DNAH17: variants seen among roughly 807,000 people sequenced by gnomAD.
The protein encoded by DNAH17 is dynein axonemal heavy chain 17, also known as axonemal beta dynein heavy chain 17.
A neutral mutation model predicts 485.6 loss-of-function variants in DNAH17; 376 were observed. The observed-to-expected ratio is 0.77, with a 90% CI of 0.71 to 0.84. The LOEUF (loss-of-function observed/expected upper bound fraction) is 0.84. DNAH17 is among the 40% of genes least tolerant of loss of function. The pLI is 0.00. For missense variants in DNAH17, 6,370 were observed against 5,839.3 expected (o/e 1.09, Z -2.96); for synonymous variants, 3,031 against 2,405.9 (o/e 1.26, Z -7.60).
chr17:78,537,223 C>A, intron 19 of DNAH17, 76 bp downstream of exon 19: 2 of 1,447,566 alleles, frequency 1.4e-6, no homozygotes, highest in African/African-American at 1.4e-5. Context: ...CGAAGCCTTG[C>A]CGAGTTAGGG....
At chr17:78,497,811 A>G (rs1445367750) in intron 37 of DNAH17, among the ~76,000 whole-genome samples, 4 of 152,190 alleles carry the variant, frequency 2.6e-5, no homozygotes, top group Non-Finnish European at 5.9e-5. Flanking sequence ...AGTCCACATC[A>G]CTGCCAAGCC....
At chr17:78,514,689 TTGGCTAG>T (rs1221287432) in intron 26 of DNAH17, 78 bp downstream of exon 26, 18 of 1,513,188 alleles carry the variant, frequency 1.2e-5, no homozygotes, top group Non-Finnish European at 1.5e-5. Flanking sequence ...CCTGAACACC[TTGGCTAG>T]GCAGCTCAGG....
chr17:78,464,766 C>T (rs1425558885), intron 56 of DNAH17, among the ~76,000 whole-genome samples: 2 of 152,242 alleles, frequency 1.3e-5, no homozygotes, highest in Non-Finnish European at 1.5e-5. Flanking sequence ...CCTGAACTGG[C>T]CCTGGAGCCT....
chr17:78,561,003 T>C, intron 12 of DNAH17, 68 bp from the exon 13 acceptor site: 1 of 1,449,948 alleles, frequency 6.9e-7, no homozygotes, highest in Non-Finnish European at 9.3e-7. Context: ...GCACGTCCCA[T>C]CGTTGCTGCC....
rs767427796 is a variant in DNAH17, at chr17:78,502,941, A to G, written c.5027T>C (p.Val1676Ala). 1.9e-6 allele frequency: 3 copies of G among 1,613,936 alleles called. No individual in the cohort carries two copies. The Admixed American group carries it at 5.0e-5, about 27-fold the overall frequency. The change falls in exon 32 of 81, where the codon GTG becomes GCG. Residue 1676 changes from valine (V) to alanine (A), a missense_variant. Physicochemically the swap from Val to Ala is moderately conservative, Grantham distance 64. Transcript: ENST00000389840. ...CCTCGGCTTCTCTTCGTAGGTCACC[A>G]CGGCCTCTGGGATTTCGTGCCGGAG... is the stretch of plus-strand genomic sequence containing the variant. ...STLRHEIPEA[V>A]VTYEEKPREQ...
chr17:78,451,477 G>A lies in DNAH17; in HGVS notation c.10726C>T (p.Gln3576Ter). The change falls in exon 66 of 81, where the codon CAG (glutamine) becomes TAG (stop). Residue 3576 changes from glutamine to a stop codon, truncating the protein, a stop_gained. Transcript: ENST00000389840. LOFTEE classifies it high-confidence loss of function. ...VVAKERPDLE[Q>*]LKANLTKSQN... ...AAACTTCAGGCCATTACCTTCAGCT[G>A]TTCCAGATCTGGGCGCTCTTTGGCC... The A allele has an allele frequency of 1.2e-6, 2 of 1,610,318 alleles. No homozygotes were observed. The highest frequency in any genetic ancestry group is 1.7e-6 in the Non-Finnish European group (2 of 1,178,194).
intron 35 of DNAH17, 168 bp downstream of exon 35, chr17:78,501,016 G>T: frequency 1.3e-6 from 1 of 741,626 alleles, no homozygotes; most frequent in Non-Finnish European, 2.0e-6. Context: ...CACAGCCGGT[G>T]CTAGAACAAG....
chr17:78,532,990 C>G (rs2091281773), intron 19 of DNAH17: 2 of 346,932 alleles, frequency 5.8e-6, no homozygotes, highest in Non-Finnish European at 1.1e-5. Flanking sequence ...CTCCTGGGCT[C>G]AAGCGATCCT....
In DNAH17 at chr17:78,526,384, C is replaced by T. The variant is rs115263384; in HGVS notation, c.3711+267G>A. On this transcript the variant is annotated intron_variant, in intron 24 of 80. Transcript: ENST00000389840. ...ACACAGGGTGTTAAGGGGCCTGAGC[C>T]GTGGGCCTGGAGCCATGCTCTGAGC... Among the ~76,000 whole-genome samples the T allele has an allele frequency of 5.8e-3, 878 of 152,202 alleles. 11 individuals carry two copies. The highest frequency in any genetic ancestry group is 0.02 in the African/African-American group (830 of 41,536).
At chr17:78,542,567 G>A (rs1048051586) in intron 17 of DNAH17, among the ~76,000 whole-genome samples, 10 of 152,176 alleles carry the variant, frequency 6.6e-5, no homozygotes, top group African/African-American at 1.7e-4. Context: ...CAAGTGAGGA[G>A]GATATGAAAA....
chr17:78,525,652 C>T (rs2091048405), intron 24 of DNAH17, among the ~76,000 whole-genome samples: 1 of 152,204 alleles, frequency 6.6e-6, no homozygotes, highest in African/African-American at 2.4e-5. Flanking sequence ...CAGGCTGTGG[C>T]AAAGGTGGGC....
chr17:78,455,522 T>G lies in DNAH17; in HGVS notation c.10170+122A>C. The G allele has an allele frequency of 5.7e-6, 4 of 702,324 alleles. No homozygotes were observed. The South Asian group carries it at 9.7e-5, about 17-fold the overall frequency. The allele number at this position is 702,324 out of a possible 1,614,324, so 43.5% of individuals were successfully genotyped here. ...TTTTAAATTTAATAGAGATGGGGTT[T>G]CACCATGTTGGCCAGGCTGCTCATG... On this transcript the variant is annotated intron_variant, in intron 63 of 80. Coordinates refer to ENST00000389840, the MANE Select transcript of DNAH17 (RefSeq NM_173628.4).
intron 20 of DNAH17, among the ~76,000 whole-genome samples, chr17:78,531,690 G>A (rs577348829): frequency 1.3e-5 from 2 of 152,220 alleles, no homozygotes; most frequent in Admixed American, 1.3e-4. Flanking sequence ...ACTTGTTCTT[G>A]GTTTCTGTTT....
chr17:78,529,472 C>T lies in DNAH17; in HGVS notation c.3507G>A (p.Gln1169=). ...EMPEEIHLKL[Q]ELPEHWANTK... The stretch of plus-strand genomic sequence containing the variant: ...GCAGCCACACCCACCCACCACGTAC[C>T]TGCAGCTTCAAGTGGATCTCCTCTG... The change falls in exon 22 of 81, where the codon CAG becomes CAA. Residue 1169 remains glutamine (Q), a splice_region_variant and synonymous_variant. Coordinates refer to ENST00000389840, the MANE Select transcript of DNAH17 (RefSeq NM_173628.4). The T allele has an allele frequency of 3.1e-6, 5 of 1,613,908 alleles. No homozygotes were observed. The highest frequency in any genetic ancestry group is 4.2e-6 in the Non-Finnish European group (5 of 1,179,830).
chr17:78,537,777 G>A (rs1015241993), intron 18 of DNAH17, among the ~76,000 whole-genome samples: 1 of 152,214 alleles, frequency 6.6e-6, no homozygotes, highest in African/African-American at 2.4e-5. Context: ...CAGCTCTGAG[G>A]CCTTGGGGAG....
At position 78,485,273 on chromosome 17, in the gene DNAH17, C is replaced by A. The variant is rs528011674; in HGVS notation, c.7484-240G>T. 3.6e-5 allele frequency: 23 copies of A among 631,476 alleles called. 1 individual carries two copies. In the South Asian group the frequency reaches 4.5e-4, roughly 12 times the overall value. 39.1% of individuals were successfully genotyped at this position (631,476 alleles called of 1,614,324 possible). A position where few individuals can be genotyped will look rare whatever the true frequency, so the allele number is the denominator to read the frequency against. On this transcript the variant is annotated intron_variant, in intron 47 of 80. Coordinates refer to ENST00000389840, the MANE Select transcript of DNAH17 (RefSeq NM_173628.4). ...ACCTTGCTCTCCGTCACCTTTGGGT[C>A]GCCTTAGATTGGCTGAGACACTCCC...
At chr17:78,538,193 G>T (rs1188729491) in intron 18 of DNAH17, among the ~76,000 whole-genome samples, 1 of 150,306 alleles carries the variant, frequency 6.7e-6, no homozygotes, top group African/African-American at 2.5e-5. Context: ...ATTGTTCTGG[G>T]TTACTACAGG....
At position 78,485,636 on chromosome 17, in the gene DNAH17, C is replaced by T. The variant is rs1023937087; in HGVS notation, c.7397G>A (p.Gly2466Glu). ...CGTGTTCAGGCTTTCCAGCTTGTCCCCCATCAGCACCGACTTGCCCGTCCC... is the reference window on the plus strand; with the variant it reads ...CGTGTTCAGGCTTTCCAGCTTGTCCTCCATCAGCACCGACTTGCCCGTCCC... The part of the protein sequence containing the change: ...NAGTGKSVLM[G>E]DKLESLNTDN... Residue 2466 changes from glycine (G) to glutamate (E), a missense_variant, in exon 47 of 81, where the codon GGG becomes GAG. Gly to Glu is a moderately conservative substitution (Grantham distance 98). Transcript: ENST00000389840. The T allele has an allele frequency of 1.9e-6, 3 of 1,613,812 alleles. No individual in the cohort carries two copies. In the African/African-American group the frequency reaches 4.0e-5, roughly 22 times the overall value.
chr17:78,549,207 T>C (rs1002086989), intron 16 of DNAH17, among the ~76,000 whole-genome samples: 8 of 152,282 alleles, frequency 5.3e-5, no homozygotes, highest in Admixed American at 2.0e-4. Context: ...TTAGATGAGA[T>C]AATGAGATCA....
Sources: gnomAD v4.1 joint callset for allele counts (sites outside exome capture counted in the v4.1 genomes callset) on GRCh38, gnomAD v4.1.1 for gene constraint, MANE v1.5 for transcripts, NCBI Gene and HGNC (gene_info 2026-07-23, HGNC 2026-07-21) for gene names.